MKLN1: variants seen among roughly 807,000 people sequenced by gnomAD.
The protein encoded by MKLN1 is muskelin.
In MKLN1, 18 loss-of-function variants were observed where a neutral mutation model predicts 99.0. That is an observed-to-expected ratio of 0.18 (90% CI 0.13 to 0.27). MKLN1 has a LOEUF of 0.27. MKLN1 is among the 10% of genes least tolerant of loss of function. The pLI is 1.00. For missense variants in MKLN1, 621 were observed against 875.9 expected, an observed-to-expected ratio of 0.71 and a Z score of 3.67; for synonymous variants, 288 against 293.2, an observed-to-expected ratio of 0.98 and a Z score of 0.18.
chr7:131,343,781 A>G (rs1002493679), intron 1 of MKLN1, among the ~76,000 whole-genome samples: 2 of 152,176 alleles, frequency 1.3e-5, no homozygotes, highest in African/African-American at 4.8e-5. Context: ...TCCGGGGCAT[A>G]CAGGGCAGCA....
intron 2 of MKLN1, among the ~76,000 whole-genome samples, chr7:131,383,323 G>C (rs1203324501): frequency 6.6e-6 from 1 of 152,158 alleles, no homozygotes; most frequent in Non-Finnish European, 1.5e-5. Flanking sequence ...CAACTTCTAA[G>C]CAAGGCCTGT....
At chr7:131,385,087 C>T (rs1394811424) in intron 2 of MKLN1, among the ~76,000 whole-genome samples, 1 of 152,152 alleles carries the variant, frequency 6.6e-6, no homozygotes, top group Non-Finnish European at 1.5e-5. Flanking sequence ...TGCTTTATGC[C>T]TCTATGCATT....
intron 3 of MKLN1, among the ~76,000 whole-genome samples, chr7:131,316,258 C>G (rs912471754): frequency 4.6e-5 from 7 of 152,180 alleles, no homozygotes; most frequent in African/African-American, 1.7e-4. Flanking sequence ...GAGGAAGGAG[C>G]AGGCAGCAAT....
intron 3 of MKLN1, among the ~76,000 whole-genome samples, chr7:131,388,274 A>G (rs1794090262): frequency 6.6e-6 from 1 of 152,214 alleles, no homozygotes. Context: ...TCATGAAAGT[A>G]TTTCAGGAAA....
intron 3 of MKLN1, among the ~76,000 whole-genome samples, chr7:131,274,093 A>C (rs1439240685): frequency 6.6e-6 from 1 of 152,210 alleles, no homozygotes; most frequent in Non-Finnish European, 1.5e-5. Flanking sequence ...GGCTCAGAGA[A>C]ACATGACATG....
At chr7:131,159,188 C>T (rs1796011948) in intron 2 of MKLN1, among the ~76,000 whole-genome samples, 1 of 151,838 alleles carries the variant, frequency 6.6e-6, no homozygotes, top group Non-Finnish European at 1.5e-5. Flanking sequence ...GAGACCCTGT[C>T]TCAAAAAGAA....
At chr7:131,386,028 T>G (rs1794005850) in intron 2 of MKLN1, among the ~76,000 whole-genome samples, 1 of 151,544 alleles carries the variant, frequency 6.6e-6, no homozygotes, top group African/African-American at 2.4e-5. Context: ...TTTTTTTTTT[T>G]TTTGAGCTAG....
chr7:131,266,173 C>CAAAAAAAAAAAAAAAAAA (rs35332093), intron 3 of MKLN1, among the ~76,000 whole-genome samples: 2 of 86,576 alleles, frequency 2.3e-5, no homozygotes, highest in African/African-American at 4.6e-5. Flanking sequence ...GACTGCATCT[C>CAAAAAAAAAAAAAAAAAA]AAAAAAAAAA....
intron 8 of MKLN1, among the ~76,000 whole-genome samples, chr7:131,426,516 C>T (rs1008477335): frequency 6.6e-6 from 1 of 151,760 alleles, no homozygotes; most frequent in Non-Finnish European, 1.5e-5. Flanking sequence ...TGTTACTTAA[C>T]GATGATAATG....
In MKLN1 at chr7:131,494,635, G is replaced by T. The variant is rs950783095; in HGVS notation, c.*6907G>T. ...AAATTATTTTGGTGACTGATCAATT[G>T]TAAACAATTTTCTTCCTTACTTACA... is the stretch of plus-strand genomic sequence containing the variant. On this transcript the variant is annotated 3_prime_UTR_variant, in exon 18 of 18. Transcript: ENST00000352689. 6.6e-6 allele frequency: 1 copy of T among 151,800 alleles called. No individual in the cohort carries two copies. Among genetic ancestry groups the T allele is most frequent in the Non-Finnish European group, 1.5e-5 (1 of 67,952 alleles). 9.4% of individuals were successfully genotyped at this position (151,800 alleles called of 1,614,324 possible). A position where few individuals can be genotyped will look rare whatever the true frequency, so the allele number is the denominator to read the frequency against.
chr7:131,192,252 A>AT (rs1796571026), intron 2 of MKLN1, among the ~76,000 whole-genome samples: 1 of 93,186 alleles, frequency 1.1e-5, no homozygotes, highest in Non-Finnish European at 1.9e-5. Flanking sequence ...TATAAAATAT[A>AT]ATATATACAA....
chr7:131,171,254 A>G (rs1467526265), intron 2 of MKLN1, among the ~76,000 whole-genome samples: 1 of 152,184 alleles, frequency 6.6e-6, no homozygotes, highest in Non-Finnish European at 1.5e-5. Flanking sequence ...GACAGAGTGT[A>G]TACTGTAACC....
At chr7:131,268,961 A>G (rs1239215958) in intron 3 of MKLN1, among the ~76,000 whole-genome samples, 5 of 152,236 alleles carry the variant, frequency 3.3e-5, no homozygotes, top group Admixed American at 2.0e-4. Context: ...CCAAACTGGA[A>G]CTTAACTTGT....
At chr7:131,279,344 T>G (rs911635735) in intron 3 of MKLN1, among the ~76,000 whole-genome samples, 4 of 152,208 alleles carry the variant, frequency 2.6e-5, no homozygotes, top group African/African-American at 9.6e-5. Flanking sequence ...TTTGAGGTAA[T>G]GATCTCATGA....
intron 2 of MKLN1, among the ~76,000 whole-genome samples, chr7:131,147,929 G>A (rs535811945): frequency 6.6e-6 from 1 of 152,332 alleles, no homozygotes; most frequent in Non-Finnish European, 1.5e-5. Context: ...TGCTGTGGTG[G>A]GAGGGCTATG....
intron 1 of MKLN1, among the ~76,000 whole-genome samples, chr7:131,331,405 A>G (rs1020610319): frequency 1.3e-5 from 2 of 152,346 alleles, no homozygotes; most frequent in African/African-American, 4.8e-5. Context: ...CAAAAACCCT[A>G]TGAGATAAAT....
intron 9 of MKLN1, among the ~76,000 whole-genome samples, chr7:131,436,095 A>G (rs1376329634): frequency 6.6e-6 from 1 of 152,140 alleles, no homozygotes; most frequent in South Asian, 2.1e-4. Flanking sequence ...TCAAATTTTC[A>G]CCTTATTTGC....
intron 3 of MKLN1, among the ~76,000 whole-genome samples, chr7:131,227,385 TTTTC>T (rs1468581926): frequency 9.2e-5 from 14 of 151,668 alleles, no homozygotes; most frequent in Admixed American, 2.0e-4. Context: ...TCTTTCTTTT[TTTTC>T]TTTCTTTCTC....
Position 131,116,787 on chromosome 7 carries a change from T to C in MKLN1, c.-419+6580T>C, listed in dbSNP as rs1168392520. Among the ~76,000 whole-genome samples the C allele has an allele frequency of 2.6e-5, 4 of 152,074 alleles. No homozygotes were observed. In the East Asian group the frequency reaches 5.8e-4, roughly 22 times the overall value. ...TTAAAATATGTAATAATAAAAGGCATGTGCATCACAACTGCAGTGACATCT... is the reference window on the plus strand; with the variant it reads ...TTAAAATATGTAATAATAAAAGGCACGTGCATCACAACTGCAGTGACATCT... On this transcript the variant is annotated intron_variant, in intron 1 of 7. Transcript: ENST00000416992.
Sources: gnomAD v4.1 joint callset for allele counts (sites outside exome capture counted in the v4.1 genomes callset) on GRCh38, gnomAD v4.1.1 for gene constraint, MANE v1.5 for transcripts, NCBI Gene and HGNC (gene_info 2026-07-23, HGNC 2026-07-21) for gene names.